The following GIMAP8 variants were observed in gnomAD, a reference collection of about 807,000 sequenced individuals.
The protein encoded by GIMAP8 is GTPase IMAP family member 8.
A neutral mutation model predicts 35.6 loss-of-function variants in GIMAP8; 29 were observed. The ratio of observed to expected loss-of-function variants is 0.81; its 90% CI spans 0.61 to 1.11. GIMAP8 has a LOEUF of 1.11. GIMAP8 is among the 50% of genes most tolerant of loss of function. The pLI is 0.00. For missense variants in GIMAP8, 811 were observed against 805.0 expected, an observed-to-expected ratio of 1.01 and a Z score of -0.09; for synonymous variants, 335 against 308.7, an observed-to-expected ratio of 1.09 and a Z score of -0.89.
rs773704980 is a variant in GIMAP8, at chr7:150,477,534, C to CT, written c.1752_1753insT (p.Lys585Ter). On this transcript the variant is annotated frameshift_variant, in exon 5 of 5. Transcript: ENST00000307271. LOFTEE classifies it low-confidence loss of function (END_TRUNC). ...AAGACTTCATGAAGAACTCAGATAA[C>CT]AAAGCCCTTCGGCGCATTTTTAAAA... is the stretch of plus-strand genomic sequence containing the variant. The CT allele has an allele frequency of 6.8e-6, 11 of 1,614,212 alleles. No individual in the cohort carries two copies. The South Asian group carries it at 1.1e-4, about 16-fold the overall frequency.
intron 2 of GIMAP8, 145 bp from the exon 3 acceptor site, chr7:150,470,684 C>A: frequency 1.6e-6 from 1 of 628,254 alleles, no homozygotes; most frequent in Non-Finnish European, 2.8e-6. Flanking sequence ...AAGACCATGA[C>A]CAGGGCCTTG....
chr7:150,470,987 G>A, intron 3 of GIMAP8, 113 bp downstream of exon 3: 2 of 801,090 alleles, frequency 2.5e-6, no homozygotes, highest in Non-Finnish European at 4.2e-6. Flanking sequence ...TCACCCTGGG[G>A]ACCTAGCTGA....
intron 1 of GIMAP8, among the ~76,000 whole-genome samples, chr7:150,465,231 G>C (rs1443099422): frequency 6.6e-6 from 1 of 152,174 alleles, no homozygotes; most frequent in Non-Finnish European, 1.5e-5. Flanking sequence ...ATCCAAGAGG[G>C]TGCTGTACGA....
At chr7:150,460,335 C>A (rs1022066417) in intron 1 of GIMAP8, among the ~76,000 whole-genome samples, 3 of 152,162 alleles carry the variant, frequency 2.0e-5, no homozygotes, top group Non-Finnish European at 4.4e-5. Context: ...ATGTTTTTCA[C>A]CCATTCTGAG....
chr7:150,464,330 A>G (rs1563282749), intron 1 of GIMAP8, among the ~76,000 whole-genome samples: 2 of 152,216 alleles, frequency 1.3e-5, no homozygotes, highest in Non-Finnish European at 2.9e-5. Context: ...TTCTTACTTA[A>G]TGAAAATATA....
At chr7:150,455,110 C>A (rs1487430481) in intron 1 of GIMAP8, among the ~76,000 whole-genome samples, 1 of 145,322 alleles carries the variant, frequency 6.9e-6, no homozygotes, top group Non-Finnish European at 1.5e-5. Flanking sequence ...TGCACTTCAG[C>A]CTGGGCAACA....
intron 1 of GIMAP8, among the ~76,000 whole-genome samples, chr7:150,460,892 T>C (rs1360158178): frequency 6.6e-6 from 1 of 152,234 alleles, no homozygotes; most frequent in Non-Finnish European, 1.5e-5. Context: ...GCATGTCAAC[T>C]TGGTGGCCCA....
chr7:150,452,673 G>GATATAT (rs1328309681), intron 1 of GIMAP8, among the ~76,000 whole-genome samples: 2 of 56,282 alleles, frequency 3.6e-5, no homozygotes, highest in African/African-American at 1.5e-4. Context: ...GTGTGTGTGT[G>GATATAT]AGATATATAT....
intron 1 of GIMAP8, among the ~76,000 whole-genome samples, chr7:150,465,392 C>T (rs1048702600): frequency 4.6e-5 from 7 of 152,162 alleles, no homozygotes; most frequent in African/African-American, 1.7e-4. Flanking sequence ...GGAATCACAG[C>T]TACTTGCTGA....
intron 2 of GIMAP8, 56 bp from the exon 3 acceptor site, chr7:150,470,773 T>TTTTTTTGGGAAA: frequency 1.2e-6 from 1 of 814,684 alleles, no homozygotes. Context: ...TTTTTTCAGT[T>TTTTTTTGGGAAA]TGTGGAAGAT....
intron 1 of GIMAP8, among the ~76,000 whole-genome samples, chr7:150,461,095 T>C (rs1334480115): frequency 6.6e-6 from 1 of 152,264 alleles, no homozygotes; most frequent in Non-Finnish European, 1.5e-5. Flanking sequence ...CTAAGCACCA[T>C]TGGAGCTAAT....
Position 150,474,598 on chromosome 7 carries a change from G to A in GIMAP8, c.1269G>A (p.Val423=), listed in dbSNP as rs376570927. The A allele has an allele frequency of 1.5e-5, 24 of 1,611,118 alleles. No individual in the cohort carries two copies. Among genetic ancestry groups the A allele is most frequent in the African/African-American group, 1.3e-5 (1 of 74,672 alleles). ...TCCTGGAAAAAATTGAGAGCATGGT[G>A]CATCAGAATGGGAACAAGCATTGTG... is the stretch of plus-strand genomic sequence containing the variant. The part of the protein sequence containing the change: ...DELLEKIESM[V]HQNGNKHCVF... Residue 423 remains valine (V), a synonymous_variant, in exon 4 of 5, where the codon GTG becomes GTA. Transcript: ENST00000307271.
rs1802307232 is a variant in GIMAP8 at position 150,478,993 on chromosome 7, T to C, written c.*1213T>C. 1 of 152,222 alleles carries C rather than the reference T, an allele frequency of 6.6e-6. No individual in the cohort carries two copies. The highest frequency in any genetic ancestry group is 1.5e-5 in the Non-Finnish European group (1 of 68,044). 9.4% of individuals were successfully genotyped at this position (152,222 alleles called of 1,614,324 possible). On this transcript the variant is annotated 3_prime_UTR_variant, in exon 5 of 5. Transcript: ENST00000307271. ...GAGAGCATAATCTTTGTCATCTGTT[T>C]TTTTCCCCTAGACAATATCAGGTTA...
chr7:150,453,237 G>A (rs1801657684), intron 1 of GIMAP8, among the ~76,000 whole-genome samples: 1 of 152,250 alleles, frequency 6.6e-6, no homozygotes, highest in African/African-American at 2.4e-5. Context: ...GTATCTGGGT[G>A]AAAGATGCTC....
intron 1 of GIMAP8, among the ~76,000 whole-genome samples, chr7:150,465,641 C>T (rs1801939222): frequency 6.6e-6 from 1 of 152,150 alleles, no homozygotes; most frequent in African/African-American, 2.4e-5. Context: ...TTGGCTGGAG[C>T]ATACAGTGTG....
At position 150,451,464 on chromosome 7, in the gene GIMAP8, G is replaced by C. The variant is rs549687731; in HGVS notation, c.-29+289G>C. ...GGTCCAAAGCGTGTCTCCCCAGCCT[G>C]CTGGGGAGTAGATTCGGCAGGATGG... On this transcript the variant is annotated intron_variant, in intron 1 of 4. Transcript: ENST00000307271. This position sits in a 1 kb window ranked among gnomAD's most constrained non-coding sequence, Gnocchi z 4.1. Among the ~76,000 whole-genome samples the C allele has an allele frequency of 6.6e-6, 1 of 152,308 alleles. No homozygotes were observed. Among genetic ancestry groups the C allele is most frequent in the Admixed American group, 6.5e-5 (1 of 15,304 alleles).
intron 1 of GIMAP8, among the ~76,000 whole-genome samples, chr7:150,456,970 G>A (rs1470716054): frequency 1.3e-5 from 2 of 152,200 alleles, no homozygotes; most frequent in Non-Finnish European, 2.9e-5. Context: ...CAGCTCAGTC[G>A]TGGAGACCCC....
intron 1 of GIMAP8, among the ~76,000 whole-genome samples, chr7:150,456,582 C>G (rs972511835): frequency 6.6e-6 from 1 of 152,210 alleles, no homozygotes; most frequent in East Asian, 1.9e-4. Flanking sequence ...TCTCAAAATT[C>G]TTAATAACAT....
intron 4 of GIMAP8, among the ~76,000 whole-genome samples, chr7:150,476,010 G>A (rs1211504441): frequency 6.6e-6 from 1 of 152,170 alleles, no homozygotes; most frequent in African/African-American, 2.4e-5. Flanking sequence ...TAGAGAATAT[G>A]GGATGGGGAG....
Sources: gnomAD v4.1 joint callset for allele counts (sites outside exome capture counted in the v4.1 genomes callset) on GRCh38, gnomAD v4.1.1 for gene constraint, Gnocchi (gnomAD v3.1) non-coding constraint, MANE v1.5 for transcripts, NCBI Gene and HGNC (gene_info 2026-07-23, HGNC 2026-07-21) for gene names.